The following TRERF1 variants were observed in gnomAD, a reference collection of about 807,000 sequenced individuals.
TRERF1 encodes the protein transcriptional-regulating factor 1.
A neutral mutation model predicts 122.9 loss-of-function variants in TRERF1; 27 were observed. That is an observed-to-expected ratio of 0.22 (90% CI 0.16 to 0.30). The LOEUF (loss-of-function observed/expected upper bound fraction) is 0.30, where lower values mean the gene tolerates loss of function less well. Ranked by LOEUF, TRERF1 falls within the 10% of genes least tolerant of loss-of-function variation. TRERF1 has a pLI of 1.00. For missense variants in TRERF1, 1,248 were observed against 1,560.3 expected (o/e 0.80, Z 3.37); for synonymous variants, 636 against 641.7 (o/e 0.99, Z 0.13).
At chr6:42,437,068 G>A (rs1785582524) in intron 2 of TRERF1, among the ~76,000 whole-genome samples, 1 of 151,990 alleles carries the variant, frequency 6.6e-6, no homozygotes, top group African/African-American at 2.4e-5. Flanking sequence ...CTTAGCAAGT[G>A]TGGATTTTTA....
At chr6:42,250,499 T>C (rs1385055213) in intron 13 of TRERF1, among the ~76,000 whole-genome samples, 1 of 152,162 alleles carries the variant, frequency 6.6e-6, no homozygotes, top group Non-Finnish European at 1.5e-5. Flanking sequence ...CGGCCCTTCT[T>C]GGATCCTGCA....
At position 42,276,042 on chromosome 6, in the gene TRERF1, C is replaced by T. The variant is rs954084054; in HGVS notation, c.-258-6194G>A. Among the ~76,000 whole-genome samples, 2 of 152,202 alleles carry T rather than the reference C, an allele frequency of 1.3e-5. No homozygotes were observed. Among genetic ancestry groups the T allele is most frequent in the Non-Finnish European group, 2.9e-5 (2 of 68,040 alleles). The stretch of plus-strand genomic sequence containing the variant: ...AATTAAAAATGTAAAAATCCTTCTT[C>T]ACTCACAGGCAGTACAAGAATAGGT... On this transcript the variant is annotated intron_variant, in intron 4 of 17. Transcript: ENST00000372922. The surrounding 1 kb of genome is among the most constrained non-coding windows in gnomAD (Gnocchi z 4.3).
chr6:42,265,239 G>A (rs1158275914), intron 6 of TRERF1, among the ~76,000 whole-genome samples: 1 of 152,186 alleles, frequency 6.6e-6, no homozygotes, highest in Non-Finnish European at 1.5e-5. Context: ...GGCAGCCGCC[G>A]TACTGCACGC....
intron 2 of TRERF1, among the ~76,000 whole-genome samples, chr6:42,386,422 G>A (rs1776827915): frequency 6.6e-6 from 1 of 152,024 alleles, no homozygotes; most frequent in Admixed American, 6.6e-5. Context: ...CAGCCTGGGC[G>A]ACATAGCGAG....
At chr6:42,262,427 CTAGGGGCA>C (rs1370885354) in intron 8 of TRERF1, among the ~76,000 whole-genome samples, 18 of 57,422 alleles carry the variant, frequency 3.1e-4, no homozygotes, top group African/African-American at 1.2e-3. Context: ...CACAAATTCC[CTAGGGGCA>C]GAGAGAGAGA....
intron 3 of TRERF1, among the ~76,000 whole-genome samples, chr6:42,331,060 G>A (rs1227800920): frequency 6.6e-6 from 1 of 152,122 alleles, no homozygotes; most frequent in Non-Finnish European, 1.5e-5. Context: ...AGAAGGCACA[G>A]GCATAGAATG....
chr6:42,445,898 T>G (rs942574034), intron 2 of TRERF1, among the ~76,000 whole-genome samples: 1 of 151,856 alleles, frequency 6.6e-6, no homozygotes. Flanking sequence ...ACTCCAAACT[T>G]TCTTTTGTTT....
chr6:42,311,720 C>G lies in TRERF1; in HGVS notation c.-370-10971G>C, dbSNP rs113505512. On this transcript the variant is annotated intron_variant, in intron 3 of 17. Transcript: ENST00000372922. The stretch of plus-strand genomic sequence containing the variant: ...GGCAGAGGTTGCAGTGAGCCAAGAT[C>G]GTGCCACTGCACTCCAGCCTGGGCA... Among the ~76,000 whole-genome samples, 3 of 140,908 alleles carry G rather than the reference C, an allele frequency of 2.1e-5. No homozygotes were observed. The Admixed American group carries it at 2.2e-4, about 11-fold the overall frequency. 92.4% of individuals were successfully genotyped at this position (140,908 alleles called of 152,430 possible).
At chr6:42,369,386 A>G (rs1372827675) in intron 2 of TRERF1, among the ~76,000 whole-genome samples, 1 of 152,058 alleles carries the variant, frequency 6.6e-6, no homozygotes, top group East Asian at 1.9e-4. Flanking sequence ...AGAGGTTGCA[A>G]TGAGCCAAGA....
intron 3 of TRERF1, among the ~76,000 whole-genome samples, chr6:42,349,254 G>A (rs879315937): frequency 2.0e-5 from 3 of 151,988 alleles, no homozygotes; most frequent in Non-Finnish European, 4.4e-5. Flanking sequence ...CAGACCTTTG[G>A]GTGGCCCATC....
In TRERF1 at chr6:42,428,434, C is replaced by A. The variant is rs138065740; in HGVS notation, c.-454+22743G>T. Among the ~76,000 whole-genome samples the A allele has an allele frequency of 3.2e-3, 485 of 152,254 alleles. 4 individuals carry two copies. Among genetic ancestry groups the A allele is most frequent in the African/African-American group, 0.011 (463 of 41,532 alleles). ...AGGAGGTGAAACTCAAATCAGTGGGCGTTGCTACTTTATTAGCAGATGAGA... is the reference window on the plus strand; with the variant it reads ...AGGAGGTGAAACTCAAATCAGTGGGAGTTGCTACTTTATTAGCAGATGAGA... On this transcript the variant is annotated intron_variant, in intron 2 of 17. Transcript: ENST00000372922.
chr6:42,368,951 A>T (rs955899981), intron 2 of TRERF1, among the ~76,000 whole-genome samples: 2 of 152,148 alleles, frequency 1.3e-5, no homozygotes, highest in Non-Finnish European at 2.9e-5. Context: ...GGCTAAAATG[A>T]GCAATTAAGA....
In TRERF1 at chr6:42,390,186, C is replaced by T. The variant is rs574826966; in HGVS notation, c.-453-27107G>A. On this transcript the variant is annotated intron_variant, in intron 2 of 17. Transcript: ENST00000372922. ...ACAAGAGCTAATCTAGTCCTACAAA[C>T]GAAGATATACAAGAGGCACAATTTA... 2.6e-5 allele frequency among the ~76,000 whole-genome samples: 4 copies of T among 152,266 alleles called. No homozygotes were observed. The South Asian group carries it at 6.2e-4, about 24-fold the overall frequency.
chr6:42,372,182 A>AAAAAAC (rs1162884593), intron 2 of TRERF1, among the ~76,000 whole-genome samples: 4 of 152,262 alleles, frequency 2.6e-5, no homozygotes, highest in South Asian at 4.1e-4. Context: ...ATTCAGTCTC[A>AAAAAAC]AAAAACAAAA....
chr6:42,410,205 G>C (rs1032689488), intron 2 of TRERF1, among the ~76,000 whole-genome samples: 1 of 152,156 alleles, frequency 6.6e-6, no homozygotes, highest in East Asian at 1.9e-4. Context: ...GCTGTGGCAT[G>C]ATCAGGGCTC....
chr6:42,396,996 T>G (rs1264122986), intron 2 of TRERF1, among the ~76,000 whole-genome samples: 2 of 152,156 alleles, frequency 1.3e-5, no homozygotes, highest in African/African-American at 4.8e-5. Context: ...AGAAATGATC[T>G]AGGCATCTGG....
intron 3 of TRERF1, among the ~76,000 whole-genome samples, chr6:42,315,828 G>C (rs899123902): frequency 3.3e-5 from 5 of 151,880 alleles, no homozygotes; most frequent in African/African-American, 1.2e-4. Flanking sequence ...ACAGCTCAAG[G>C]CTCAAGAAGG....
intron 15 of TRERF1, among the ~76,000 whole-genome samples, chr6:42,236,951 A>T (rs1443095972): frequency 2.0e-5 from 3 of 152,218 alleles, no homozygotes; most frequent in Non-Finnish European, 4.4e-5. Flanking sequence ...ACTCAAGGGG[A>T]GCTCCACTCT....
intron 15 of TRERF1, among the ~76,000 whole-genome samples, chr6:42,240,072 G>T (rs910315684): frequency 6.6e-6 from 1 of 152,030 alleles, no homozygotes; most frequent in African/African-American, 2.4e-5. Flanking sequence ...ACCCATCTTC[G>T]AAGCCCAGGC....
Sources: allele counts gnomAD v4.1 joint callset (sites outside exome capture counted in the v4.1 genomes callset), GRCh38; gene constraint gnomAD v4.1.1; non-coding constraint Gnocchi (gnomAD v3.1); transcripts MANE v1.5; gene names NCBI Gene and HGNC (gene_info 2026-07-23, HGNC 2026-07-21).